Variants in SLC2A9 observed in about 807,000 individuals in gnomAD.
The protein encoded by SLC2A9 is solute carrier family 2 member 9.
Under a neutral mutation model 50.6 loss-of-function variants are expected in SLC2A9, and 39 were observed. The ratio of observed to expected loss-of-function variants is 0.77; its 90% CI spans 0.60 to 1.01. The LOEUF (loss-of-function observed/expected upper bound fraction) is 1.01. Among genes scored for constraint, SLC2A9 ranks in the 50% least tolerant of loss-of-function variants. SLC2A9 has a pLI of 0.00. For synonymous variants in SLC2A9, 324 were observed against 276.9 expected (o/e 1.17, Z -1.69); for missense variants, 686 against 677.6 (o/e 1.01, Z -0.14).
intron 5 of SLC2A9, among the ~76,000 whole-genome samples, chr4:9,962,457 T>C (rs1347441684): frequency 6.6e-6 from 1 of 152,094 alleles, no homozygotes. Flanking sequence ...CTCAGCAAAC[T>C]AACACAGAAA....
chr4:9,790,559 A>T (rs1382407901), intron 3 of SLC2A9, among the ~76,000 whole-genome samples: 3 of 152,198 alleles, frequency 2.0e-5, no homozygotes, highest in African/African-American at 7.2e-5. Context: ...AACCAATGAC[A>T]TGGAGGGGCC....
intron 5 of SLC2A9, among the ~76,000 whole-genome samples, chr4:9,958,939 CAAT>C (rs2108908814): frequency 6.6e-6 from 1 of 151,852 alleles, no homozygotes; most frequent in Non-Finnish European, 1.5e-5. Context: ...AAAATAAAAA[CAAT>C]GATGGAATTA....
chr4:10,016,165 A>C (rs1048156131), intron 2 of SLC2A9, among the ~76,000 whole-genome samples: 2 of 152,248 alleles, frequency 1.3e-5, no homozygotes, highest in African/African-American at 4.8e-5. Flanking sequence ...TACTGGCCAC[A>C]GAGGTAGAGC....
chr4:9,903,141 T>C (rs1739977154), intron 8 of SLC2A9, among the ~76,000 whole-genome samples: 1 of 152,092 alleles, frequency 6.6e-6, no homozygotes. Flanking sequence ...CACGTTCTGC[T>C]CTCACACGGG....
At chr4:9,890,286 T>C (rs560549727) in intron 9 of SLC2A9, among the ~76,000 whole-genome samples, 4 of 152,236 alleles carry the variant, frequency 2.6e-5, no homozygotes, top group African/African-American at 9.6e-5. Flanking sequence ...CACCTTAAGG[T>C]TGTCTAGTGC....
At chr4:9,979,709 A>G (rs948993281) in intron 5 of SLC2A9, among the ~76,000 whole-genome samples, 2 of 151,848 alleles carry the variant, frequency 1.3e-5, no homozygotes, top group East Asian at 3.9e-4. Context: ...TGATCTGGCC[A>G]TGTCACCCTC....
At chr4:9,999,509 G>A (rs1463043747) in intron 2 of SLC2A9, among the ~76,000 whole-genome samples, 1 of 152,166 alleles carries the variant, frequency 6.6e-6, no homozygotes, top group Non-Finnish European at 1.5e-5. Context: ...AGTGTTCCAG[G>A]CAGAGGGAGA....
intron 11 of SLC2A9, among the ~76,000 whole-genome samples, chr4:9,829,874 C>T (rs150774078): frequency 8.1e-4 from 124 of 152,186 alleles, no homozygotes; most frequent in African/African-American, 2.7e-3. Context: ...CAGATGCTGG[C>T]GAGCTTGCGG....
At chr4:9,815,960 A>G (rs540644528) in intron 3 of SLC2A9, among the ~76,000 whole-genome samples, 10 of 152,052 alleles carry the variant, frequency 6.6e-5, no homozygotes, top group Non-Finnish European at 1.5e-4. Context: ...ACTTGAGGTC[A>G]GGAGTTTGAG....
chr4:9,883,073 A>G (rs552265971), intron 10 of SLC2A9, among the ~76,000 whole-genome samples: 156 of 152,206 alleles, frequency 1.0e-3, no homozygotes, highest in African/African-American at 3.7e-3. Context: ...TAGAGCCCTC[A>G]TATGTTAAAT....
intron 3 of SLC2A9, among the ~76,000 whole-genome samples, chr4:9,996,153 C>G (rs888349905): frequency 2.6e-5 from 4 of 152,206 alleles, no homozygotes; most frequent in African/African-American, 9.6e-5. Context: ...TTGATTCTCA[C>G]TGCTTCCTTA....
At chr4:9,785,331 C>T (rs566901340) in intron 3 of SLC2A9, among the ~76,000 whole-genome samples, 99 of 152,300 alleles carry the variant, frequency 6.5e-4, no homozygotes, top group East Asian at 4.6e-3. Flanking sequence ...GGTTCAACAC[C>T]TGTTTTCTCG....
At chr4:10,020,039 A>AGTGTGTGTGTGTGT (rs112964589) in intron 1 of SLC2A9, among the ~76,000 whole-genome samples, 87 of 148,084 alleles carry the variant, frequency 5.9e-4, no homozygotes, top group Middle Eastern at 3.5e-3. Context: ...CATATTTGTG[A>AGTGTGTGTGTGTGT]GTGTGTGTGT....
At chr4:9,984,800 C>T (rs905063902) in intron 4 of SLC2A9, among the ~76,000 whole-genome samples, 1 of 152,180 alleles carries the variant, frequency 6.6e-6, no homozygotes, top group African/African-American at 2.4e-5. Context: ...CCTGGCTTCC[C>T]CTCATACTCC....
chr4:9,820,135 G>A (rs1364629403), intron 3 of SLC2A9, among the ~76,000 whole-genome samples: 1 of 152,132 alleles, frequency 6.6e-6, no homozygotes, highest in Non-Finnish European at 1.5e-5. Context: ...TTAGGGTTAT[G>A]ATTCATTTTG....
chr4:9,950,892 C>CAAAAAAAAAAAAAAAAAAA (rs764863059), intron 5 of SLC2A9, among the ~76,000 whole-genome samples: 2 of 11,554 alleles, frequency 1.7e-4, no homozygotes, highest in African/African-American at 6.2e-4. Flanking sequence ...GACTCCGTCT[C>CAAAAAAAAAAAAAAAAAAA]AAAAAAAAAA....
chr4:9,808,753 A>G (rs905956790), intron 3 of SLC2A9, among the ~76,000 whole-genome samples: 2 of 152,212 alleles, frequency 1.3e-5, no homozygotes, highest in Non-Finnish European at 2.9e-5. Flanking sequence ...TTCCAAAGTG[A>G]GCAGCAGTGT....
At chr4:9,864,509 G>A (rs1732137896) in intron 10 of SLC2A9, among the ~76,000 whole-genome samples, 1 of 152,194 alleles carries the variant, frequency 6.6e-6, no homozygotes, top group Non-Finnish European at 1.5e-5. Flanking sequence ...CTTTCTATGA[G>A]TTGGAACTTT....
intron 11 of SLC2A9, among the ~76,000 whole-genome samples, chr4:9,829,174 T>G (rs1725620567): frequency 6.6e-6 from 1 of 152,066 alleles, no homozygotes; most frequent in African/African-American, 2.4e-5. Context: ...GAGGCTGAGG[T>G]GGGTGGATCA....
Sources: allele counts gnomAD v4.1 joint callset (sites outside exome capture counted in the v4.1 genomes callset), GRCh38; gene constraint gnomAD v4.1.1; transcripts MANE v1.5; gene names NCBI Gene and HGNC (gene_info 2026-07-23, HGNC 2026-07-21).